The following ZBTB44 variants were observed in gnomAD, a reference collection of about 807,000 sequenced individuals.
ZBTB44 encodes the protein zinc finger and BTB domain-containing protein 44.
In ZBTB44, 15 loss-of-function variants were observed where a neutral mutation model predicts 54.0. The ratio of observed to expected loss-of-function variants is 0.28; its 90% CI spans 0.19 to 0.43. The LOEUF is 0.43. Ranked by LOEUF, ZBTB44 falls within the 20% of genes least tolerant of loss-of-function variation. The pLI, the probability that ZBTB44 is intolerant of heterozygous loss-of-function variation, is 1.00. For synonymous variants in ZBTB44, 230 were observed against 250.1 expected (o/e 0.92, Z 0.76); for missense variants, 487 against 707.1 (o/e 0.69, Z 3.53).
chr11:130,275,300 G>A (rs1487797909), intron 1 of ZBTB44, among the ~76,000 whole-genome samples: 1 of 152,044 alleles, frequency 6.6e-6, no homozygotes, highest in Non-Finnish European at 1.5e-5. Context: ...TGTTTGTAAT[G>A]TCGTATCTTC....
chr11:130,252,745 C>T (rs1000682294), intron 2 of ZBTB44, among the ~76,000 whole-genome samples: 1 of 152,258 alleles, frequency 6.6e-6, no homozygotes, highest in African/African-American at 2.4e-5. Flanking sequence ...GATACCAAAG[C>T]CTGGCAGAGA....
At chr11:130,303,323 A>G (rs1431343152) in intron 1 of ZBTB44, among the ~76,000 whole-genome samples, 6 of 152,166 alleles carry the variant, frequency 3.9e-5, no homozygotes, top group Non-Finnish European at 8.8e-5. Flanking sequence ...ATCAATAGCA[A>G]ATCACTTCAG....
intron 1 of ZBTB44, among the ~76,000 whole-genome samples, chr11:130,307,604 C>T (rs370385706): frequency 7.9e-5 from 12 of 152,050 alleles, no homozygotes; most frequent in Non-Finnish European, 1.3e-4. Flanking sequence ...TACAATCATG[C>T]GTGGCATGTG....
chr11:130,240,000 G>C (rs1954287982), intron 2 of ZBTB44, 104 bp from the exon 3 acceptor site: 3 of 700,814 alleles, frequency 4.3e-6, no homozygotes, highest in Non-Finnish European at 7.2e-6. Flanking sequence ...ATATTATCTA[G>C]TGTTCATATC....
intron 2 of ZBTB44, among the ~76,000 whole-genome samples, chr11:130,244,365 T>C (rs1259577840): frequency 6.6e-6 from 1 of 152,082 alleles, no homozygotes; most frequent in Non-Finnish European, 1.5e-5. Context: ...GGTTATAATA[T>C]TTTAATGAAA....
chr11:130,288,783 G>C (rs1361688182), intron 1 of ZBTB44, among the ~76,000 whole-genome samples: 1 of 151,916 alleles, frequency 6.6e-6, no homozygotes, highest in African/African-American at 2.4e-5. Flanking sequence ...TGTAATCCCA[G>C]CTACTTGGGA....
chr11:130,296,327 G>A (rs753493418), intron 1 of ZBTB44: 225 of 1,521,872 alleles, frequency 1.5e-4, no homozygotes, highest in Non-Finnish European at 2.0e-4. Flanking sequence ...ACCGAAAGAA[G>A]CTCGTGGTCT....
intron 1 of ZBTB44, among the ~76,000 whole-genome samples, chr11:130,271,175 T>C (rs2134194111): frequency 6.6e-6 from 1 of 152,348 alleles, no homozygotes; most frequent in East Asian, 1.9e-4. Context: ...AAAATGCCTA[T>C]ATCTATTCAT....
At chr11:130,311,457 C>A (rs1214555103) in intron 1 of ZBTB44, among the ~76,000 whole-genome samples, 25 of 152,150 alleles carry the variant, frequency 1.6e-4, no homozygotes, top group Admixed American at 1.6e-3. Context: ...AATCCTTCCA[C>A]CTCGGCCTTT....
intron 1 of ZBTB44, among the ~76,000 whole-genome samples, chr11:130,269,282 T>G (rs1939498593): frequency 1.1e-5 from 1 of 90,072 alleles, no homozygotes. Context: ...AGAGTGAAAC[T>G]CCACTAAATA....
intron 1 of ZBTB44, among the ~76,000 whole-genome samples, chr11:130,304,192 T>C (rs1013241391): frequency 1.3e-5 from 2 of 152,194 alleles, no homozygotes; most frequent in African/African-American, 4.8e-5. Flanking sequence ...AAAACTAATG[T>C]AACTTTTAGC....
chr11:130,303,075 T>C (rs975672680), intron 1 of ZBTB44, among the ~76,000 whole-genome samples: 4 of 152,200 alleles, frequency 2.6e-5, no homozygotes, highest in Non-Finnish European at 4.4e-5. Flanking sequence ...AGCACGATTA[T>C]TTAATAAAAT....
intron 1 of ZBTB44, among the ~76,000 whole-genome samples, chr11:130,291,996 A>T (rs1286705483): frequency 1.3e-5 from 2 of 152,192 alleles, no homozygotes; most frequent in Admixed American, 1.3e-4. Flanking sequence ...CATTTTCTAG[A>T]ATTTTATATA....
chr11:130,232,520 C>G (rs1240865581), intron 7 of ZBTB44: 1 of 152,158 alleles, frequency 6.6e-6, no homozygotes, highest in Non-Finnish European at 1.5e-5. Context: ...TTTTCAGTTT[C>G]TCATTAGTCT....
chr11:130,282,713 G>A (rs1403201892), intron 1 of ZBTB44, among the ~76,000 whole-genome samples: 1 of 152,156 alleles, frequency 6.6e-6, no homozygotes, highest in East Asian at 1.9e-4. Flanking sequence ...GCAGTATTTT[G>A]AGTAAGAGTG....
intron 1 of ZBTB44, chr11:130,310,344 G>A (rs115260018): frequency 0.014 from 2,110 of 152,244 alleles, 40 homozygotes; most frequent in African/African-American, 0.04. Context: ...GGACCACCAG[G>A]TTGCCTAATG....
chr11:130,252,473 A>G (rs991518633), intron 2 of ZBTB44, among the ~76,000 whole-genome samples: 40 of 152,316 alleles, frequency 2.6e-4, no homozygotes, highest in African/African-American at 8.4e-4. Flanking sequence ...CAGAATATAC[A>G]TTCTTCTCAG....
At chr11:130,294,777 T>G (rs574610944) in intron 1 of ZBTB44, among the ~76,000 whole-genome samples, 1 of 152,176 alleles carries the variant, frequency 6.6e-6, no homozygotes, top group African/African-American at 2.4e-5. Flanking sequence ...TTAAGGGATA[T>G]CTGCTATTCA....
At chr11:130,272,377 T>C (rs1325129169) in intron 1 of ZBTB44, among the ~76,000 whole-genome samples, 2 of 152,282 alleles carry the variant, frequency 1.3e-5, no homozygotes, top group Non-Finnish European at 2.9e-5. Context: ...GTAACAATGT[T>C]GAGCATCTTC....
Sources: gnomAD v4.1 joint callset for allele counts (sites outside exome capture counted in the v4.1 genomes callset) on GRCh38, gnomAD v4.1.1 for gene constraint, MANE v1.5 for transcripts, NCBI Gene and HGNC (gene_info 2026-07-23, HGNC 2026-07-21) for gene names.